The following NLGN4Y variants were observed in gnomAD, a reference collection of about 807,000 sequenced individuals.
NLGN4Y encodes the protein neuroligin-4, Y-linked.
In NLGN4Y, 4 loss-of-function variants were observed where a neutral mutation model predicts 8.4. That is an observed-to-expected ratio of 0.48 (90% confidence interval 0.23 to 1.09). NLGN4Y has a LOEUF of 1.09. NLGN4Y is among the 50% of genes least tolerant of loss of function. The pLI is 0.19. For synonymous variants in NLGN4Y, 35 were observed against 75.6 expected (o/e 0.46, Z 2.78); for missense variants, 90 against 192.3 (o/e 0.47, Z 3.15).
intron 1 of NLGN4Y, among the ~76,000 whole-genome samples, chrY:14,550,043 G>A: frequency 3.0e-5 from 1 of 33,300 alleles, no homozygotes; most frequent in Non-Finnish European, 7.4e-5. Context: ...GTCCTGGCGT[G>A]TGCGTGCTTC....
chrY:14,553,689 A>T, intron 1 of NLGN4Y, among the ~76,000 whole-genome samples: 2 of 30,754 alleles, frequency 6.5e-5, no homozygotes, highest in Non-Finnish European at 1.6e-4. Flanking sequence ...TTCATATATA[A>T]AAATATATAA....
intron 4 of NLGN4Y, among the ~76,000 whole-genome samples, chrY:14,809,201 A>C (rs2043068717): frequency 8.8e-5 from 3 of 34,173 alleles, no homozygotes; most frequent in African/African-American, 3.4e-4. Context: ...TAAATGGGCC[A>C]CGCAAAGTGG....
At chrY:14,695,942 G>A in intron 2 of NLGN4Y, among the ~76,000 whole-genome samples, 1 of 31,842 alleles carries the variant, frequency 3.1e-5, no homozygotes, top group South Asian at 7.6e-4. Context: ...TTGTAGGATC[G>A]AAGTCCCCTT....
At chrY:14,678,810 G>A in intron 2 of NLGN4Y, among the ~76,000 whole-genome samples, 1 of 33,188 alleles carries the variant, frequency 3.0e-5, no homozygotes. Context: ...TTCAGCATGC[G>A]TTTATAACAA....
At chrY:14,813,687 G>A (rs941850667) in intron 4 of NLGN4Y, among the ~76,000 whole-genome samples, 1 of 33,438 alleles carries the variant, frequency 3.0e-5, no homozygotes, top group South Asian at 6.8e-4. Context: ...TTTGGGTGGG[G>A]ACACAGCCAA....
intron 1 of NLGN4Y, among the ~76,000 whole-genome samples, chrY:14,590,204 G>C (rs2080364670): frequency 8.8e-5 from 3 of 34,194 alleles, no homozygotes; most frequent in Admixed American, 5.1e-4. Context: ...GTGGGCTCCA[G>C]CCTTGGCCAG....
At chrY:14,695,182 T>C in intron 2 of NLGN4Y, among the ~76,000 whole-genome samples, 2 of 33,958 alleles carry the variant, frequency 5.9e-5, no homozygotes, top group African/African-American at 2.3e-4. Context: ...CTGCTTTTAC[T>C]TCTGAACTAT....
chrY:14,618,996 C>T (rs2080499534), intron 1 of NLGN4Y, among the ~76,000 whole-genome samples: 2 of 33,947 alleles, frequency 5.9e-5, no homozygotes, highest in Non-Finnish European at 1.5e-4. Context: ...GAATGCCTAA[C>T]TTAGACTTAG....
intron 4 of NLGN4Y, among the ~76,000 whole-genome samples, chrY:14,746,287 AT>A: frequency 3.0e-5 from 1 of 33,479 alleles, no homozygotes; most frequent in Non-Finnish European, 7.4e-5. Context: ...AGCTGGACCT[AT>A]TCTTTGACCC....
intron 2 of NLGN4Y, among the ~76,000 whole-genome samples, chrY:14,712,767 A>G (rs2080903306): frequency 3.0e-5 from 1 of 33,612 alleles, no homozygotes; most frequent in Non-Finnish European, 7.4e-5. Flanking sequence ...ACTGCATGGC[A>G]TTACCTCTCT....
intron 4 of NLGN4Y, among the ~76,000 whole-genome samples, chrY:14,740,552 G>A: frequency 3.0e-5 from 1 of 33,030 alleles, no homozygotes; most frequent in Admixed American, 2.8e-4. Flanking sequence ...TCAGGAGAAG[G>A]GTATGAGATT....
intron 2 of NLGN4Y, among the ~76,000 whole-genome samples, chrY:14,717,056 C>T: frequency 3.0e-5 from 1 of 33,423 alleles, no homozygotes; most frequent in Non-Finnish European, 7.4e-5. Context: ...TTCACACCAT[C>T]CCGGACAATA....
intron 1 of NLGN4Y, among the ~76,000 whole-genome samples, chrY:14,555,566 A>T (rs944161858): frequency 3.0e-5 from 1 of 32,887 alleles, no homozygotes; most frequent in Non-Finnish European, 7.5e-5. Flanking sequence ...TAGCAGAGAG[A>T]GTGAGATGAG....
At chrY:14,595,925 G>A (rs926501589) in intron 1 of NLGN4Y, among the ~76,000 whole-genome samples, 4 of 32,925 alleles carry the variant, frequency 1.2e-4, no homozygotes, top group Admixed American at 5.5e-4. Flanking sequence ...ACCACAAGGA[G>A]GACCGACTGA....
chrY:14,651,864 T>G, intron 2 of NLGN4Y, among the ~76,000 whole-genome samples: 6 of 33,389 alleles, frequency 1.8e-4, no homozygotes, highest in Admixed American at 5.6e-4. Flanking sequence ...ATTTTCTAAG[T>G]TTTTAAAATG....
chrY:14,524,427 G>T, upstream of NLGN4Y: 1 of 97,288 alleles, frequency 1.0e-5, no homozygotes, highest in Non-Finnish European at 2.3e-5. Context: ...GATTTCATCT[G>T]GTCTCTTCTC....
chrY:14,768,156 C>T, intron 4 of NLGN4Y, among the ~76,000 whole-genome samples: 1 of 33,418 alleles, frequency 3.0e-5, no homozygotes, highest in Non-Finnish European at 7.4e-5. Context: ...AATTAATAAC[C>T]ATCACTCATC....
At chrY:14,657,181 T>A in intron 2 of NLGN4Y, among the ~76,000 whole-genome samples, 1 of 33,137 alleles carries the variant, frequency 3.0e-5, no homozygotes, top group African/African-American at 1.2e-4. Context: ...ATCATTATTA[T>A]ACATTTGACA....
At chrY:14,691,849 G>C (rs1287693723) in intron 2 of NLGN4Y, among the ~76,000 whole-genome samples, 2 of 33,119 alleles carry the variant, frequency 6.0e-5, no homozygotes. Context: ...ATCTTGTGAT[G>C]ATGAGTCATT....
Sources: allele counts gnomAD v4.1 joint callset (sites outside exome capture counted in the v4.1 genomes callset), GRCh38; gene constraint gnomAD v4.1.1; transcripts MANE v1.5; gene names NCBI Gene and HGNC (gene_info 2026-07-23, HGNC 2026-07-21).